The following KCNC2 variants were observed in gnomAD, a reference collection of about 807,000 sequenced individuals.
KCNC2 encodes potassium voltage-gated channel subfamily C member 2.
A neutral mutation model predicts 44.5 loss-of-function variants in KCNC2; 21 were observed. The ratio of observed to expected loss-of-function variants is 0.47; its 90% CI spans 0.33 to 0.68. KCNC2 has a LOEUF of 0.68. Among genes scored for constraint, KCNC2 ranks in the 30% least tolerant of loss-of-function variants. KCNC2 has a pLI of 0.01. For synonymous variants in KCNC2, 391 were observed against 339.1 expected, an observed-to-expected ratio of 1.15 and a Z score of -1.68; for missense variants, 589 against 826.2, an observed-to-expected ratio of 0.71 and a Z score of 3.52.
chr12:75,120,656 G>A (rs562720769), intron 2 of KCNC2, among the ~76,000 whole-genome samples: 29 of 152,208 alleles, frequency 1.9e-4, no homozygotes, highest in African/African-American at 6.3e-4. Context: ...ACAAGGAGAG[G>A]CTCTTACAAA....
chr12:75,086,660 C>CAAAA lies in KCNC2; in HGVS notation c.688-35347_688-35344dup, dbSNP rs751242858. Among the ~76,000 whole-genome samples the CAAAA allele has an allele frequency of 5.1e-5, 6 of 117,010 alleles. No homozygotes were observed. The South Asian group carries it at 8.5e-4, about 17-fold the overall frequency. The allele number at this position is 117,010 out of a possible 152,430, so 76.8% of individuals were successfully genotyped here. On this transcript the variant is annotated intron_variant, in intron 2 of 4. Coordinates refer to ENST00000549446, the MANE Select transcript of KCNC2 (RefSeq NM_139137.4). Reference sequence around the variant, plus strand: ...TCCCATAAAAAGCAAGTTCATTTGGCAAAAAAAAAAAAAAAAAAAAAATAT... The same window carrying CAAAA: ...TCCCATAAAAAGCAAGTTCATTTGGCAAAAAAAAAAAAAAAAAAAAAAAAAATAT...
In KCNC2 at chr12:75,207,646, T is replaced by C; in HGVS notation, c.338A>G (p.Tyr113Cys). The C allele has an allele frequency of 1.2e-6, 2 of 1,611,708 alleles. No individual in the cohort carries two copies. The highest frequency in any genetic ancestry group is 1.7e-6 in the Non-Finnish European group (2 of 1,179,790). ...GCCGGTGCGGTAGTAATTGAGCACA[T>C]AGGCGAAGACGCCCGGGTGCCGGTC... ...FFDRHPGVFAYVLNYYRTGKL... is the reference protein window; with the variant it reads ...FFDRHPGVFACVLNYYRTGKL... Residue 113 changes from tyrosine (Y) to cysteine (C), a missense_variant, in exon 2 of 5, where the codon TAT (tyrosine) becomes TGT (cysteine). By Grantham distance (194) the Tyr-to-Cys change is radical. Around this residue, in one of 7 missense-constraint regions of KCNC2, gnomAD observed 40 missense variants for 102.0 expected, o/e 0.39. Transcript: ENST00000549446. The surrounding 1 kb of genome is among the most constrained non-coding windows in gnomAD (Gnocchi z 4.1).
intron 2 of KCNC2, among the ~76,000 whole-genome samples, chr12:75,134,649 G>T (rs1405056123): frequency 3.3e-5 from 5 of 151,808 alleles, no homozygotes; most frequent in East Asian, 3.9e-4. Context: ...AGTTAGAGTG[G>T]ATTCTGCAAG....
intron 2 of KCNC2, among the ~76,000 whole-genome samples, chr12:75,156,006 G>A (rs1237251864): frequency 1.3e-5 from 2 of 151,806 alleles, no homozygotes; most frequent in Non-Finnish European, 1.5e-5. Context: ...AGTGGAGTTG[G>A]GCTTCATTGT....
intron 2 of KCNC2, among the ~76,000 whole-genome samples, chr12:75,165,480 A>G (rs1397385588): frequency 1.3e-5 from 2 of 151,556 alleles, no homozygotes; most frequent in East Asian, 3.9e-4. Flanking sequence ...ACAATAAGAT[A>G]AATTAGTGAA....
At chr12:75,194,253 T>C (rs1297849007) in intron 2 of KCNC2, among the ~76,000 whole-genome samples, 1 of 152,096 alleles carries the variant, frequency 6.6e-6, no homozygotes, top group African/African-American at 2.4e-5. Flanking sequence ...TTGACTATTG[T>C]CCTGATAAGA....
At chr12:75,135,185 C>T (rs1021233166) in intron 2 of KCNC2, among the ~76,000 whole-genome samples, 2 of 151,084 alleles carry the variant, frequency 1.3e-5, no homozygotes, top group African/African-American at 4.9e-5. Context: ...AAGTTCAGGA[C>T]AAAGCAGATG....
chr12:75,179,415 C>CA (rs1297290746), intron 2 of KCNC2, among the ~76,000 whole-genome samples: 3 of 151,410 alleles, frequency 2.0e-5, no homozygotes, highest in Non-Finnish European at 3.0e-5. Flanking sequence ...AATCAGTTAA[C>CA]AAAAAAGAAA....
At chr12:75,166,362 TA>T (rs1891450622) in intron 2 of KCNC2, among the ~76,000 whole-genome samples, 2 of 151,066 alleles carry the variant, frequency 1.3e-5, no homozygotes, top group South Asian at 4.2e-4. Flanking sequence ...CAATTGCAGT[TA>T]GTGACTTCAA....
rs531051632 is a variant in KCNC2 at position 75,140,003 on chromosome 12, T to C, written c.687+67294A>G. ...GCTGCAATAACAAACCACCCTAAAA[T>C]ATAGGCATCAGAATAAGAATCATAT... is the stretch of plus-strand genomic sequence containing the variant. On this transcript the variant is annotated intron_variant, in intron 2 of 4. Coordinates refer to ENST00000549446, the MANE Select transcript of KCNC2 (RefSeq NM_139137.4). The C allele has an allele frequency of 3.9e-5, 6 of 152,264 alleles. No individual in the cohort carries two copies. The East Asian group carries it at 1.2e-3, about 29-fold the overall frequency. 9.4% of individuals were successfully genotyped at this position (152,264 alleles called of 1,614,324 possible). A position where few individuals can be genotyped will look rare whatever the true frequency, so the allele number is the denominator to read the frequency against.
chr12:75,207,857 G>T lies in KCNC2; in HGVS notation c.127C>A (p.Pro43Thr). ...CCCGCCGTGGTCAAGCAGTCGCCTG[G>T]GGGCTCGGAGGAGGCAAGAAGGGCC... ...RLALLASSEPPGDCLTTAGDK... is the reference protein window; with the variant it reads ...RLALLASSEPTGDCLTTAGDK... Residue 43 changes from proline to threonine, a missense_variant, in exon 2 of 5, where the codon CCA becomes ACA. Pro to Thr is a conservative substitution (Grantham distance 38). Coordinates refer to ENST00000549446, the MANE Select transcript of KCNC2 (RefSeq NM_139137.4). This position sits in a 1 kb window ranked among gnomAD's most constrained non-coding sequence, Gnocchi z 4.1. 6.2e-7 allele frequency: 1 copy of T among 1,611,834 alleles called. No individual in the cohort carries two copies. Among genetic ancestry groups the T allele is most frequent in the Non-Finnish European group, 8.5e-7 (1 of 1,179,680 alleles).
chr12:75,202,089 T>C (rs1283347872), intron 2 of KCNC2, among the ~76,000 whole-genome samples: 2 of 151,950 alleles, frequency 1.3e-5, no homozygotes, highest in African/African-American at 2.4e-5. Context: ...GGTTGATCTA[T>C]ACCTTCCTTT....
chr12:75,156,196 T>C (rs1244228975), intron 2 of KCNC2, among the ~76,000 whole-genome samples: 2 of 151,700 alleles, frequency 1.3e-5, no homozygotes, highest in African/African-American at 4.8e-5. Context: ...ACATAGGACA[T>C]AGAGCAGGAG....
At chr12:75,084,945 A>G (rs1884869979) in intron 2 of KCNC2, among the ~76,000 whole-genome samples, 1 of 150,688 alleles carries the variant, frequency 6.6e-6, no homozygotes, top group South Asian at 2.1e-4. Flanking sequence ...GTAAATATAG[A>G]TTATAATCCA....
At chr12:75,081,112 A>G (rs1343985631) in intron 2 of KCNC2, among the ~76,000 whole-genome samples, 2 of 152,094 alleles carry the variant, frequency 1.3e-5, no homozygotes, top group African/African-American at 4.8e-5. Context: ...TACACTAACT[A>G]TATCCTCAGT....
intron 2 of KCNC2, among the ~76,000 whole-genome samples, chr12:75,110,350 C>T (rs1452727338): frequency 1.3e-5 from 2 of 152,036 alleles, no homozygotes; most frequent in African/African-American, 4.8e-5. Context: ...TAGAACTTAT[C>T]CAAAATACTA....
At chr12:75,043,372 T>C in intron 4 of KCNC2, 131 bp from the exon 5 acceptor site, 2 of 1,416,864 alleles carry the variant, frequency 1.4e-6, no homozygotes, top group Non-Finnish European at 1.8e-6. Flanking sequence ...GAATTTAATA[T>C]TGAGACAATT....
At chr12:75,208,180 C>A (rs2031867016) in intron 1 of KCNC2, among the ~76,000 whole-genome samples, 178 bp from the exon 2 acceptor site, 2 of 152,090 alleles carry the variant, frequency 1.3e-5, no homozygotes, top group Admixed American at 1.3e-4. Flanking sequence ...TTGCATCAAA[C>A]CTTTCCCAGG....
At chr12:75,143,176 T>C (rs1357699805) in intron 2 of KCNC2, among the ~76,000 whole-genome samples, 3 of 152,158 alleles carry the variant, frequency 2.0e-5, no homozygotes, top group East Asian at 1.9e-4. Context: ...CAATTTGTTA[T>C]ATAATTAAAG....
Sources: gnomAD v4.1 joint callset for allele counts (sites outside exome capture counted in the v4.1 genomes callset) on GRCh38, gnomAD v4.1.1 for gene constraint, gnomAD v4.1.1 regional missense constraint, Gnocchi (gnomAD v3.1) non-coding constraint, MANE v1.5 for transcripts, NCBI Gene and HGNC (gene_info 2026-07-23, HGNC 2026-07-21) for gene names.